Variants in GSR observed in about 807,000 individuals in gnomAD.
GSR encodes the protein glutathione-disulfide reductase.
GSR carries 48 observed loss-of-function variants against 56.5 expected under a neutral mutation model. That is an observed-to-expected ratio of 0.85 (90% CI 0.67 to 1.08). The LOEUF (loss-of-function observed/expected upper bound fraction) is 1.08, where lower values mean the gene tolerates loss of function less well. Among genes scored for constraint, GSR ranks in the 50% least tolerant of loss-of-function variants. The probability of loss-of-function intolerance (pLI) is 0.00; values close to 1 mark genes in which losing one functional copy is unlikely to be tolerated. For synonymous variants in GSR, 264 were observed against 270.8 expected, an observed-to-expected ratio of 0.97 and a Z score of 0.25; for missense variants, 694 against 703.3, an observed-to-expected ratio of 0.99 and a Z score of 0.15.
chr8:30,684,293 G>C, intron 9 of GSR, 94 bp from the exon 10 acceptor site: 1 of 795,494 alleles, frequency 1.3e-6, no homozygotes. Context: ...TTTCACATGG[G>C]AACTGCAGCC....
At chr8:30,727,178 T>C (rs1332314958) in intron 1 of GSR, among the ~76,000 whole-genome samples, 2 of 152,206 alleles carry the variant, frequency 1.3e-5, no homozygotes, top group African/African-American at 4.8e-5. Context: ...CCACCAGCAA[T>C]GTTCCCAGAT....
At chr8:30,699,584 C>T (rs890936339) in intron 6 of GSR, among the ~76,000 whole-genome samples, 40 of 152,068 alleles carry the variant, frequency 2.6e-4, no homozygotes, top group African/African-American at 9.4e-4. Context: ...GCTGAGACTA[C>T]AGGCCCACAC....
At position 30,727,808 on chromosome 8, in the gene GSR, C is replaced by T. The variant is rs1201459683; in HGVS notation, c.28G>A (p.Ala10Thr). 1 of 1,304,856 alleles carries T rather than the reference C, an allele frequency of 7.7e-7. No homozygotes were observed. Among genetic ancestry groups the T allele is most frequent in the African/African-American group, 1.6e-5 (1 of 64,474 alleles). 80.8% of individuals were successfully genotyped at this position (1,304,856 alleles called of 1,614,324 possible). A position where few individuals can be genotyped will look rare whatever the true frequency, so the allele number is the denominator to read the frequency against. The change falls in exon 1 of 13, where the codon GCC becomes ACC. Residue 10 changes from alanine to threonine, a missense_variant. Physicochemically the swap from Ala to Thr is moderately conservative, Grantham distance 58. Transcript: ENST00000221130. Reference sequence around the variant, plus strand: ...CGCCGCCAGCTCGGTCCCGCGCCGGCGCTCAGGGCTCGGGGCAGCAGGGCC... The same window carrying T: ...CGCCGCCAGCTCGGTCCCGCGCCGGTGCTCAGGGCTCGGGGCAGCAGGGCC... MALLPRALS[A>T]GAGPSWRRAA...
chr8:30,700,112 C>A lies in GSR; in HGVS notation c.664G>T (p.Asp222Tyr). The A allele has an allele frequency of 6.2e-7, 1 of 1,613,314 alleles. No homozygotes were observed. The highest frequency in any genetic ancestry group is 8.5e-7 in the Non-Finnish European group (1 of 1,179,306). ...AATTCTTCCAGCTGAAAAAATCCAT[C>A]GCTGGTTATTCCTAAGCTGGCACCT... ...IPGASLGITS[D>Y]GFFQLEELPG... Residue 222 changes from aspartate to tyrosine, a missense_variant, in exon 6 of 13, where the codon GAT becomes TAT. Coordinates refer to ENST00000221130, the MANE Select transcript of GSR (RefSeq NM_000637.5).
At chr8:30,706,362 G>A (rs1338072673) in intron 4 of GSR, among the ~76,000 whole-genome samples, 1 of 151,856 alleles carries the variant, frequency 6.6e-6, no homozygotes, top group Non-Finnish European at 1.5e-5. Flanking sequence ...AATTAGGCAG[G>A]TGTGGGGGCA....
chr8:30,722,915 A>C (rs1804598179), intron 1 of GSR, among the ~76,000 whole-genome samples: 1 of 152,116 alleles, frequency 6.6e-6, no homozygotes. Context: ...TGATCTTTCA[A>C]AGCCCCTACC....
chr8:30,688,714 G>A lies in GSR; in HGVS notation c.1041+447C>T, dbSNP rs8191008. 2.5e-4 allele frequency among the ~76,000 whole-genome samples: 37 copies of A among 151,014 alleles called. No individual in the cohort carries two copies. In the East Asian group the frequency reaches 4.9e-3, roughly 20 times the overall value. ...CTGAGATGGGCGAATCGCTTGAGCC[G>A]AGGAGACCAGCCTGGGCAACATGGT... is the stretch of plus-strand genomic sequence containing the variant. On this transcript the variant is annotated intron_variant, in intron 9 of 12. Coordinates refer to ENST00000221130, the MANE Select transcript of GSR (RefSeq NM_000637.5).
chr8:30,713,896 T>A (rs555156560), intron 1 of GSR, among the ~76,000 whole-genome samples: 3 of 152,322 alleles, frequency 2.0e-5, no homozygotes, highest in African/African-American at 7.2e-5. Context: ...AACGGGTAAC[T>A]ACAGACAGGT....
In GSR at chr8:30,679,396, C is replaced by T. The variant is rs1018039811; in HGVS notation, c.*124G>A. On this transcript the variant is annotated 3_prime_UTR_variant, in exon 13 of 13. Coordinates refer to ENST00000221130, the MANE Select transcript of GSR (RefSeq NM_000637.5). ...TTCTATTATGTACTAAAAATTTCCACTATCAGAAGATCCTGATTAAAATAA... is the reference window on the plus strand; with the variant it reads ...TTCTATTATGTACTAAAAATTTCCATTATCAGAAGATCCTGATTAAAATAA... 6 of 948,768 alleles carry T rather than the reference C, an allele frequency of 6.3e-6. No homozygotes were observed. Among genetic ancestry groups the T allele is most frequent in the South Asian group, 4.2e-5 (3 of 70,868 alleles). The allele number at this position is 948,768 out of a possible 1,614,324, so 58.8% of individuals were successfully genotyped here. A position where few individuals can be genotyped will look rare whatever the true frequency, so the allele number is the denominator to read the frequency against.
At chr8:30,718,111 AAAATAAAT>A (rs35132121) in intron 1 of GSR, among the ~76,000 whole-genome samples, 46 of 147,834 alleles carry the variant, frequency 3.1e-4, no homozygotes, top group South Asian at 4.3e-4. Context: ...CAAAAAAATA[AAAATAAAT>A]AAATAAATAA....
intron 8 of GSR, among the ~76,000 whole-genome samples, chr8:30,690,765 A>AT (rs1364880766): frequency 6.6e-6 from 1 of 152,194 alleles, no homozygotes; most frequent in Admixed American, 6.6e-5. Flanking sequence ...AAAGGGTATG[A>AT]TTTAAAATTA....
rs1012277169 is a variant in GSR at position 30,678,622 on chromosome 8, A to T, written c.*898T>A. 16 of 152,016 alleles carry T rather than the reference A, an allele frequency of 1.1e-4. No homozygotes were observed. Among genetic ancestry groups the T allele is most frequent in the Non-Finnish European group, 2.2e-4 (15 of 67,992 alleles). 9.4% of individuals were successfully genotyped at this position (152,016 alleles called of 1,614,324 possible). On this transcript the variant is annotated 3_prime_UTR_variant, in exon 13 of 13. Coordinates refer to ENST00000221130, the MANE Select transcript of GSR (RefSeq NM_000637.5). ...AGTAATCCTCCTGCCTCGGCCTCCCAAAGTGCTAGAATTACAGGCCTGAGC... is the reference window on the plus strand; with the variant it reads ...AGTAATCCTCCTGCCTCGGCCTCCCTAAGTGCTAGAATTACAGGCCTGAGC...
intron 10 of GSR, among the ~76,000 whole-genome samples, chr8:30,683,170 C>G (rs905714827): frequency 1.3e-5 from 2 of 152,114 alleles, no homozygotes; most frequent in African/African-American, 4.8e-5. Flanking sequence ...CTATGTTGCC[C>G]AGCCTGGTCT....
At position 30,679,494 on chromosome 8, in the gene GSR, T is replaced by C; in HGVS notation, c.*26A>G. ...ATTTCAGAAGATCTATGGGTCCCAC[T>C]GCCCGCCACACGTGTCTCCTGGTTC... On this transcript the variant is annotated 3_prime_UTR_variant, in exon 13 of 13. Coordinates refer to ENST00000221130, the MANE Select transcript of GSR (RefSeq NM_000637.5). 1 of 1,610,986 alleles carries C rather than the reference T, an allele frequency of 6.2e-7. No individual in the cohort carries two copies. The highest frequency in any genetic ancestry group is 8.5e-7 in the Non-Finnish European group (1 of 1,177,224).
At chr8:30,708,340 C>T (rs1425447651) in intron 3 of GSR, among the ~76,000 whole-genome samples, 199 bp from the exon 4 acceptor site, 5 of 152,184 alleles carry the variant, frequency 3.3e-5, no homozygotes, top group Non-Finnish European at 7.3e-5. Context: ...CTGTGCCACT[C>T]AGTGGAGAAC....
chr8:30,687,698 A>G (rs1803210249), intron 9 of GSR: 1 of 152,182 alleles, frequency 6.6e-6, no homozygotes, highest in African/African-American at 2.4e-5. Context: ...AACAAAATAA[A>G]TATATGCACC....
chr8:30,696,532 T>G, intron 6 of GSR, 53 bp from the exon 7 acceptor site: 1 of 1,229,766 alleles, frequency 8.1e-7, no homozygotes, highest in Non-Finnish European at 1.2e-6. Context: ...TTTGGAATAA[T>G]TTCACGTTTA....
rs1208140807 is a variant in GSR at position 30,708,211 on chromosome 8, T to G, written c.423-70A>C. ...TTCTAGTTAGTAACTAAGGCATCTG[T>G]CCCTGAACACCCCGAGCAGAGAATC... On this transcript the variant is annotated intron_variant, in intron 3 of 12. Transcript: ENST00000221130. 3 of 1,076,728 alleles carry G rather than the reference T, an allele frequency of 2.8e-6. No individual in the cohort carries two copies. In the East Asian group the frequency reaches 7.1e-5, roughly 25 times the overall value. 66.7% of individuals were successfully genotyped at this position (1,076,728 alleles called of 1,614,324 possible).
intron 6 of GSR, among the ~76,000 whole-genome samples, chr8:30,698,406 C>A (rs530925398): frequency 1.1e-4 from 16 of 152,292 alleles, no homozygotes; most frequent in African/African-American, 3.8e-4. Context: ...ACTACATCCT[C>A]ACATATGTCA....
Sources: allele counts gnomAD v4.1 joint callset (sites outside exome capture counted in the v4.1 genomes callset), GRCh38; gene constraint gnomAD v4.1.1; transcripts MANE v1.5; gene names NCBI Gene and HGNC (gene_info 2026-07-23, HGNC 2026-07-21).